Variants in LRRC37A2 observed in about 807,000 individuals in gnomAD.
LRRC37A2 encodes the protein leucine rich repeat containing 37 member A2, also known as leucine-rich repeat-containing protein 37A2.
Under a neutral mutation model 68.8 loss-of-function variants are expected in LRRC37A2, and 9 were observed. That is an observed-to-expected ratio of 0.13 (90% CI 0.08 to 0.23). The LOEUF (loss-of-function observed/expected upper bound fraction) is 0.23. Among genes scored for constraint, LRRC37A2 ranks in the 10% least tolerant of loss-of-function variants. The pLI is 1.00. For missense variants in LRRC37A2, 168 were observed against 950.4 expected, an observed-to-expected ratio of 0.18 and a Z score of 10.82; for synonymous variants, 63 against 367.6, an observed-to-expected ratio of 0.17 and a Z score of 9.48.
the LRRC37A2 span, among the ~76,000 whole-genome samples, chr17:46,836,439 A>G: frequency 6.6e-6 from 1 of 152,174 alleles, no homozygotes; most frequent in Non-Finnish European, 1.5e-5. Context: ...TGGGGTTTCA[A>G]GGGCAAAAAA....
At chr17:46,839,568 A>G in the LRRC37A2 span, among the ~76,000 whole-genome samples, 1 of 152,198 alleles carries the variant, frequency 6.6e-6, no homozygotes. Context: ...GTTCTAGGGT[A>G]CATGTGCACA....
chr17:46,976,884 C>T, the LRRC37A2 span, among the ~76,000 whole-genome samples: 3 of 152,222 alleles, frequency 2.0e-5, no homozygotes, highest in Non-Finnish European at 2.9e-5. Context: ...TCAGGCTGGA[C>T]TTCCTGCAAG....
At chr17:46,585,255 T>C in the LRRC37A2 span, among the ~76,000 whole-genome samples, 1 of 146,646 alleles carries the variant, frequency 6.8e-6, no homozygotes, top group African/African-American at 2.6e-5. Context: ...GAGGCAGAGG[T>C]TGCAGTGAGC....
chr17:46,722,163 A>C, the LRRC37A2 span: 2 of 1,611,794 alleles, frequency 1.2e-6, no homozygotes, highest in Non-Finnish European at 1.7e-6. Context: ...GCTCGAACTG[A>C]ACATGGCTTT....
chr17:46,545,495 G>A (rs1443199895), intron 8 of LRRC37A2, among the ~76,000 whole-genome samples: 1 of 118,496 alleles, frequency 8.4e-6, no homozygotes, highest in Non-Finnish European at 1.6e-5. Context: ...ATAATCTGTG[G>A]GTTGTTACTT....
the LRRC37A2 span, among the ~76,000 whole-genome samples, chr17:46,893,090 T>C: frequency 1.3e-5 from 2 of 152,122 alleles, no homozygotes; most frequent in Non-Finnish European, 2.9e-5. Context: ...CATACCACCA[T>C]GCCTGGCTAA....
the LRRC37A2 span, among the ~76,000 whole-genome samples, chr17:46,878,228 C>T: frequency 6.6e-6 from 1 of 152,250 alleles, no homozygotes; most frequent in Non-Finnish European, 1.5e-5. Flanking sequence ...CTGCCACGCC[C>T]ATCTGTCAGC....
At chr17:46,785,604 G>A in the LRRC37A2 span, among the ~76,000 whole-genome samples, 8 of 152,356 alleles carry the variant, frequency 5.3e-5, no homozygotes, top group African/African-American at 1.9e-4. Context: ...AGCTTCTGAA[G>A]GTTCCCTTTC....
At chr17:46,863,467 G>T in the LRRC37A2 span, among the ~76,000 whole-genome samples, 1 of 152,210 alleles carries the variant, frequency 6.6e-6, no homozygotes. Context: ...AGGAAGAAAG[G>T]AGTGTCTGCC....
the LRRC37A2 span, among the ~76,000 whole-genome samples, chr17:46,703,680 C>CAAAAAA: frequency 4.0e-4 from 15 of 37,516 alleles, no homozygotes; most frequent in South Asian, 1.2e-3. Context: ...GACTCCGTCT[C>CAAAAAA]AAAAAAAAAA....
chr17:47,018,324 A>C, the LRRC37A2 span: 1 of 1,611,564 alleles, frequency 6.2e-7, no homozygotes, highest in South Asian at 1.1e-5. Flanking sequence ...ATCTTCTCTG[A>C]CCCAGCAGGA....
chr17:46,942,289 T>C, the LRRC37A2 span, among the ~76,000 whole-genome samples: 1 of 152,228 alleles, frequency 6.6e-6, no homozygotes, highest in Non-Finnish European at 1.5e-5. Flanking sequence ...CATAAACAGC[T>C]TGCCTGTAGG....
chr17:46,901,741 T>C, the LRRC37A2 span, among the ~76,000 whole-genome samples: 1 of 151,982 alleles, frequency 6.6e-6, no homozygotes, highest in Non-Finnish European at 1.5e-5. Context: ...CTGCAACAAA[T>C]CCTTTGGTTT....
the LRRC37A2 span, among the ~76,000 whole-genome samples, chr17:46,684,765 T>TA: frequency 7.7e-6 from 1 of 130,466 alleles, no homozygotes; most frequent in Non-Finnish European, 1.6e-5. Context: ...CCTAAAACCG[T>TA]AAAAATCCTA....
the LRRC37A2 span, among the ~76,000 whole-genome samples, chr17:47,020,848 T>C: frequency 7.8e-6 from 1 of 127,934 alleles, no homozygotes; most frequent in Non-Finnish European, 1.7e-5. Context: ...GGGAGGTATA[T>C]ATAATTAAGT....
At chr17:46,946,900 C>A in the LRRC37A2 span, among the ~76,000 whole-genome samples, 1 of 152,240 alleles carries the variant, frequency 6.6e-6, no homozygotes, top group African/African-American at 2.4e-5. Context: ...TGTCGCGGGG[C>A]AGCAGTCAAG....
At chr17:46,802,259 C>G in the LRRC37A2 span, among the ~76,000 whole-genome samples, 2 of 151,960 alleles carry the variant, frequency 1.3e-5, no homozygotes, top group African/African-American at 4.8e-5. Context: ...AAGGGTTGGA[C>G]TTTCTTTTCT....
the LRRC37A2 span, among the ~76,000 whole-genome samples, chr17:46,834,292 G>C: frequency 6.6e-6 from 1 of 152,212 alleles, no homozygotes; most frequent in Non-Finnish European, 1.5e-5. Flanking sequence ...GGGGGAAGTG[G>C]TGTCCTGGGC....
the LRRC37A2 span, among the ~76,000 whole-genome samples, chr17:46,942,439 C>A: frequency 3.9e-5 from 6 of 152,294 alleles, no homozygotes; most frequent in East Asian, 1.2e-3. Flanking sequence ...CACAGGAGTC[C>A]GAGAGGAGCT....
Sources: gnomAD v4.1 joint callset for allele counts (sites outside exome capture counted in the v4.1 genomes callset) on GRCh38, gnomAD v4.1.1 for gene constraint, MANE v1.5 for transcripts, NCBI Gene and HGNC (gene_info 2026-07-23, HGNC 2026-07-21) for gene names.